The following GIPC3 variants were observed in gnomAD, a reference collection of about 807,000 sequenced individuals.
GIPC3 encodes the protein PDZ domain-containing protein GIPC3.
A neutral mutation model predicts 27.3 loss-of-function variants in GIPC3; 16 were observed. The observed-to-expected ratio is 0.59, with a 90% CI of 0.40 to 0.89. GIPC3 has a LOEUF of 0.89. Ranked by LOEUF, GIPC3 falls within the 40% of genes least tolerant of loss-of-function variation. The pLI is 0.00. For missense variants in GIPC3, 440 were observed against 442.1 expected (o/e 1.00, Z 0.04); for synonymous variants, 194 against 184.6 (o/e 1.05, Z -0.41).
chr19:3,588,697 T>C (rs2032424020), intron 3 of GIPC3, among the ~76,000 whole-genome samples: 1 of 144,682 alleles, frequency 6.9e-6, no homozygotes, highest in South Asian at 2.2e-4. Flanking sequence ...GTAATCCCAG[T>C]ACTTTGGAAG....
chr19:3,587,537 C>A (rs1426569087), intron 3 of GIPC3, among the ~76,000 whole-genome samples: 1 of 152,146 alleles, frequency 6.6e-6, no homozygotes, highest in African/African-American at 2.4e-5. Context: ...CCGCCTCAGT[C>A]TCCCAAAATG....
chr19:3,587,331 G>A (rs1386282548), intron 3 of GIPC3, among the ~76,000 whole-genome samples: 2 of 152,110 alleles, frequency 1.3e-5, no homozygotes, highest in Admixed American at 6.6e-5. Flanking sequence ...GCCTGGGCTG[G>A]AGTGCAATGG....
In GIPC3 at chr19:3,590,715, A is replaced by G. The variant is rs2032473263; in HGVS notation, c.*525A>G. The G allele has an allele frequency of 9.7e-7, 1 of 1,032,410 alleles. No individual in the cohort carries two copies. Among genetic ancestry groups the G allele is most frequent in the Non-Finnish European group, 1.2e-6 (1 of 806,456 alleles). The allele number at this position is 1,032,410 out of a possible 1,614,324, so 64.0% of individuals were successfully genotyped here. On this transcript the variant is annotated 3_prime_UTR_variant, in exon 6 of 6. Coordinates refer to ENST00000644452, the MANE Select transcript of GIPC3 (RefSeq NM_133261.3). Reference sequence around the variant, plus strand: ...GACCGAGCCCAGCTCTAAAACTCAGATGGGCTCTGAGACCATGCCCAGCTC... The same window carrying G: ...GACCGAGCCCAGCTCTAAAACTCAGGTGGGCTCTGAGACCATGCCCAGCTC...
At chr19:3,589,619 C>T (rs749669841) in intron 4 of GIPC3, 64 bp downstream of exon 4, 35 of 1,386,300 alleles carry the variant, frequency 2.5e-5, no homozygotes, top group African/African-American at 1.7e-4. Flanking sequence ...TGAGTCAGTG[C>T]GGTCTTGGGT....
At position 3,591,182 on chromosome 19, in the gene GIPC3, G is replaced by T; in HGVS notation, c.*992G>T. ...AAACCAATCCCAGCATTGAGACCAAGCCCTGTTCTAGAACTCAGGCCACCT... is the reference window on the plus strand; with the variant it reads ...AAACCAATCCCAGCATTGAGACCAATCCCTGTTCTAGAACTCAGGCCACCT... On this transcript the variant is annotated 3_prime_UTR_variant, in exon 6 of 6. Coordinates refer to ENST00000644452, the MANE Select transcript of GIPC3 (RefSeq NM_133261.3). 1.6e-6 allele frequency: 2 copies of T among 1,233,152 alleles called. No homozygotes were observed. The highest frequency in any genetic ancestry group is 2.0e-6 in the Non-Finnish European group (2 of 988,812). 76.4% of individuals were successfully genotyped at this position (1,233,152 alleles called of 1,614,324 possible). A position where few individuals can be genotyped will look rare whatever the true frequency, so the allele number is the denominator to read the frequency against.
Position 3,591,978 on chromosome 19 carries a change from A to G in GIPC3, c.*1788A>G, listed in dbSNP as rs963972801. ...TCAATCCAGCCCAAGCACCGCACCC[A>G]GCTCTGGAACTCAGCTCAGTTCTGG... On this transcript the variant is annotated 3_prime_UTR_variant, in exon 6 of 6. Transcript: ENST00000644452. 1 of 1,232,074 alleles carries G rather than the reference A, an allele frequency of 8.1e-7. No individual in the cohort carries two copies. The highest frequency in any genetic ancestry group is 4.2e-5 in the Admixed American group (1 of 23,690). 76.3% of individuals were successfully genotyped at this position (1,232,074 alleles called of 1,614,324 possible).
At position 3,590,279 on chromosome 19, in the gene GIPC3, C is replaced by A. The variant is rs1425306682; in HGVS notation, c.*89C>A. The A allele has an allele frequency of 6.6e-7, 1 of 1,506,212 alleles. No individual in the cohort carries two copies. The highest frequency in any genetic ancestry group is 8.9e-7 in the Non-Finnish European group (1 of 1,125,738). 93.3% of individuals were successfully genotyped at this position (1,506,212 alleles called of 1,614,324 possible). A position where few individuals can be genotyped will look rare whatever the true frequency, so the allele number is the denominator to read the frequency against. On this transcript the variant is annotated 3_prime_UTR_variant, in exon 6 of 6. Coordinates refer to ENST00000644452, the MANE Select transcript of GIPC3 (RefSeq NM_133261.3). ...CCAGAACCCAGCCCAGATCGGAGGA[C>A]AAGTTCCTCTCTAGAACCCAATCCA...
At chr19:3,587,122 G>A in intron 3 of GIPC3, 128 bp downstream of exon 3, 2 of 794,446 alleles carry the variant, frequency 2.5e-6, no homozygotes, top group Non-Finnish European at 4.0e-6. Flanking sequence ...AGGAGCTCCT[G>A]GCAGGGTATC....
Position 3,585,551 on chromosome 19 carries a change from C to T in GIPC3, c.-47C>T. 2 of 1,116,352 alleles carry T rather than the reference C, an allele frequency of 1.8e-6. No homozygotes were observed. The highest frequency in any genetic ancestry group is 4.7e-5 in the East Asian group (1 of 21,344). The allele number at this position is 1,116,352 out of a possible 1,614,324, so 69.2% of individuals were successfully genotyped here. On this transcript the variant is annotated 5_prime_UTR_variant, in exon 1 of 6. Coordinates refer to ENST00000644452, the MANE Select transcript of GIPC3 (RefSeq NM_133261.3). ...GGGAGGCTGCAGGAAGCGGCGGATC[C>T]GGCGGCGGCGGCGAGGGCCCGGGTG...
intron 3 of GIPC3, among the ~76,000 whole-genome samples, chr19:3,587,513 C>T (rs955789650): frequency 1.3e-5 from 2 of 151,968 alleles, no homozygotes; most frequent in African/African-American, 4.8e-5. Context: ...AACTTCTGAC[C>T]TCAAGTGCTC....
At position 3,593,422 on chromosome 19, in the gene GIPC3, G is replaced by C. The variant is rs761675789; in HGVS notation, c.*3232G>C. The C allele has an allele frequency of 1.3e-5, 10 of 784,360 alleles. No individual in the cohort carries two copies. The highest frequency in any genetic ancestry group is 1.7e-5 in the Non-Finnish European group (10 of 579,744). 48.6% of individuals were successfully genotyped at this position (784,360 alleles called of 1,614,324 possible). A position where few individuals can be genotyped will look rare whatever the true frequency, so the allele number is the denominator to read the frequency against. ...TAGGGAGTGTGCGGTGGTGAAAACA[G>C]GGGCTTCACCGGTCCTGGCTCAGAT... is the stretch of plus-strand genomic sequence containing the variant. On this transcript the variant is annotated 3_prime_UTR_variant, in exon 6 of 6. Coordinates refer to ENST00000644452, the MANE Select transcript of GIPC3 (RefSeq NM_133261.3).
In GIPC3 at chr19:3,593,046, C is replaced by T; in HGVS notation, c.*2856C>T. 4.1e-6 allele frequency: 5 copies of T among 1,225,834 alleles called. No individual in the cohort carries two copies. Among genetic ancestry groups the T allele is most frequent in the Middle Eastern group, 3.1e-4 (1 of 3,188 alleles). 75.9% of individuals were successfully genotyped at this position (1,225,834 alleles called of 1,614,324 possible). A position where few individuals can be genotyped will look rare whatever the true frequency, so the allele number is the denominator to read the frequency against. On this transcript the variant is annotated 3_prime_UTR_variant, in exon 6 of 6. Transcript: ENST00000644452. ...CAGCCTTGGCCCCATCCCAGGCTTA[C>T]CCCAAGCCTCCTACCTGGCCCCACA... is the stretch of plus-strand genomic sequence containing the variant.
rs780839716 is a variant in GIPC3, at chr19:3,586,824, A to C, written c.422A>C (p.Glu141Ala). The change falls in exon 3 of 6, where the codon GAA (glutamate) becomes GCA (alanine). Residue 141 changes from glutamate (E) to alanine (A), a missense_variant. Glu to Ala is a moderately radical substitution (Grantham distance 107). Transcript: ENST00000644452. ...GCTGGATCCCTGCAGAGAATCAAGG[A>C]AGGCAGTATCATCAACCGGATCGAG... is the stretch of plus-strand genomic sequence containing the variant. ...AGYAFIKRIK[E>A]GSIINRIEAV... The C allele has an allele frequency of 2.5e-6, 4 of 1,613,534 alleles. No individual in the cohort carries two copies. Among genetic ancestry groups the C allele is most frequent in the Admixed American group, 1.7e-5 (1 of 60,016 alleles).
chr19:3,592,012 C>G lies in GIPC3; in HGVS notation c.*1822C>G, dbSNP rs2032494423. The G allele has an allele frequency of 8.1e-7, 1 of 1,231,966 alleles. No individual in the cohort carries two copies. 76.3% of individuals were successfully genotyped at this position (1,231,966 alleles called of 1,614,324 possible). ...ACTCAGCTCAGTTCTGGAGCACAGG[C>G]TGGTTCTGAAATCCCAGCCAGCTCC... On this transcript the variant is annotated 3_prime_UTR_variant, in exon 6 of 6. Transcript: ENST00000644452.
chr19:3,589,765 G>A (rs999714618), intron 4 of GIPC3, 66 bp from the exon 5 acceptor site: 19 of 1,510,582 alleles, frequency 1.3e-5, no homozygotes, highest in African/African-American at 4.1e-5. Flanking sequence ...GGTGGGGGTC[G>A]GGAGGGGGCT....
At chr19:3,586,075 T>C (rs2032357995) in intron 1 of GIPC3, among the ~76,000 whole-genome samples, 1 of 152,188 alleles carries the variant, frequency 6.6e-6, no homozygotes, top group South Asian at 2.1e-4. Flanking sequence ...GAAAATCCTC[T>C]GCGCAGACCT....
Position 3,593,129 on chromosome 19 carries a change from A to G in GIPC3, c.*2939A>G. 3 of 1,231,976 alleles carry G rather than the reference A, an allele frequency of 2.4e-6. No homozygotes were observed. In the South Asian group the frequency reaches 1.2e-4, roughly 51 times the overall value. The allele number at this position is 1,231,976 out of a possible 1,614,324, so 76.3% of individuals were successfully genotyped here. A position where few individuals can be genotyped will look rare whatever the true frequency, so the allele number is the denominator to read the frequency against. ...CCGTCTCTCCCAAGCCCCGGGTGGG[A>G]CCCCAGAAGTCCACCCCACCCACCA... On this transcript the variant is annotated 3_prime_UTR_variant, in exon 6 of 6. Transcript: ENST00000644452.
rs1209390660 is a variant in GIPC3, at chr19:3,586,993, CGGT to C, written c.592+1_592+3del. ...GCCTGGTGCAGCCCAAGAGGGCCTT[CGGT>C]GAGGCGGGTGGGCTGGCGGGAGCTC... On this transcript the variant is annotated splice_donor_variant and coding_sequence_variant, in exon 3 of 6. Coordinates refer to ENST00000644452, the MANE Select transcript of GIPC3 (RefSeq NM_133261.3). LOFTEE classifies it high-confidence loss of function. The C allele has an allele frequency of 3.7e-6, 6 of 1,611,334 alleles. No homozygotes were observed. The highest frequency in any genetic ancestry group is 5.1e-6 in the Non-Finnish European group (6 of 1,179,334).
intron 1 of GIPC3, 44 bp from the exon 2 acceptor site, chr19:3,586,451 G>A: frequency 6.4e-7 from 1 of 1,572,896 alleles, no homozygotes. Context: ...TGCGTGGGGG[G>A]ATGCATGCCC....
Sources: gnomAD v4.1 joint callset for allele counts (sites outside exome capture counted in the v4.1 genomes callset) on GRCh38, gnomAD v4.1.1 for gene constraint, MANE v1.5 for transcripts, NCBI Gene and HGNC (gene_info 2026-07-23, HGNC 2026-07-21) for gene names.